STK39: variants seen among roughly 807,000 people sequenced by gnomAD.
The protein encoded by STK39 is STE20/SPS1-related proline-alanine-rich protein kinase.
A neutral mutation model predicts 77.8 loss-of-function variants in STK39; 20 were observed. The observed-to-expected ratio is 0.26, with a 90% CI of 0.18 to 0.37. STK39 has a LOEUF of 0.37. Among genes scored for constraint, STK39 ranks in the 10% least tolerant of loss-of-function variants. The probability of loss-of-function intolerance (pLI) is 1.00; values close to 1 mark genes in which losing one functional copy is unlikely to be tolerated. For synonymous variants in STK39, 246 were observed against 234.1 expected, an observed-to-expected ratio of 1.05 and a Z score of -0.47; for missense variants, 479 against 656.5, an observed-to-expected ratio of 0.73 and a Z score of 2.95.
At chr2:168,161,301 T>C (rs1688566974) in intron 5 of STK39, among the ~76,000 whole-genome samples, 1 of 152,170 alleles carries the variant, frequency 6.6e-6, no homozygotes, top group Non-Finnish European at 1.5e-5. Flanking sequence ...ATTCATTGCA[T>C]CCCCAGCCTA....
intron 1 of STK39, among the ~76,000 whole-genome samples, chr2:168,216,257 G>C (rs1305242059): frequency 2.6e-5 from 4 of 152,164 alleles, no homozygotes; most frequent in Non-Finnish European, 5.9e-5. Context: ...TCAAATCAGA[G>C]GGAGACAGAT....
intron 10 of STK39, among the ~76,000 whole-genome samples, chr2:168,101,404 C>T (rs1383195318): frequency 4.6e-5 from 7 of 152,120 alleles, no homozygotes; most frequent in African/African-American, 1.7e-4. Flanking sequence ...TGGTATACTA[C>T]TTACTGCACT....
intron 2 of STK39, among the ~76,000 whole-genome samples, chr2:168,177,387 G>T (rs1688981044): frequency 6.6e-6 from 1 of 152,128 alleles, no homozygotes; most frequent in Admixed American, 6.5e-5. Flanking sequence ...AATTTTCTGT[G>T]AATGGGTACC....
intron 1 of STK39, among the ~76,000 whole-genome samples, chr2:168,207,832 A>G (rs1689780726): frequency 6.6e-6 from 1 of 152,214 alleles, no homozygotes; most frequent in African/African-American, 2.4e-5. Flanking sequence ...GATTTTTCCA[A>G]CGTCAAAGAG....
chr2:168,141,334 A>G (rs1687974804), intron 5 of STK39, among the ~76,000 whole-genome samples: 1 of 152,194 alleles, frequency 6.6e-6, no homozygotes, highest in African/African-American at 2.4e-5. Context: ...TAAACTAGTT[A>G]AGTACCCCTC....
intron 14 of STK39, among the ~76,000 whole-genome samples, chr2:168,041,530 G>A (rs1685106724): frequency 6.6e-6 from 1 of 152,014 alleles, no homozygotes; most frequent in Non-Finnish European, 1.5e-5. Context: ...TCTGCAAGTG[G>A]AGGCTCGTCT....
chr2:168,222,428 G>A (rs1368854875), intron 1 of STK39, among the ~76,000 whole-genome samples: 1 of 152,082 alleles, frequency 6.6e-6, no homozygotes, highest in Non-Finnish European at 1.5e-5. Context: ...GTAGTAAGAG[G>A]GTATTTTTAG....
rs183706829 is a variant in STK39, at chr2:167,997,435, G to T, written c.1498+15199C>A. Among the ~76,000 whole-genome samples the T allele has an allele frequency of 2.8e-4, 42 of 152,220 alleles. 1 individual carries two copies. Among genetic ancestry groups the T allele is most frequent in the East Asian group, 2.3e-3 (12 of 5,158 alleles). On this transcript the variant is annotated intron_variant, in intron 16 of 17. Coordinates refer to ENST00000355999, the MANE Select transcript of STK39 (RefSeq NM_013233.3). ...TACCCCTTACTGAGTGCCTCCTGGAGGCCAGGCATCCTGCTAACCCCTTCA... is the reference window on the plus strand; with the variant it reads ...TACCCCTTACTGAGTGCCTCCTGGATGCCAGGCATCCTGCTAACCCCTTCA...
intron 16 of STK39, among the ~76,000 whole-genome samples, chr2:168,010,630 T>C (rs536075557): frequency 3.6e-4 from 55 of 152,374 alleles, no homozygotes; most frequent in African/African-American, 1.3e-3. Context: ...CCCTCATGTA[T>C]GGAGCCACTT....
rs115551021 is a variant in STK39, at chr2:167,956,794, T to C, written c.1564-1224A>G. On this transcript the variant is annotated intron_variant, in intron 17 of 17. Coordinates refer to ENST00000355999, the MANE Select transcript of STK39 (RefSeq NM_013233.3). ...TCATCCTATAGTACATAAATCAGAATTGGACATTACATAAGAACAACAAGG... is the reference window on the plus strand; with the variant it reads ...TCATCCTATAGTACATAAATCAGAACTGGACATTACATAAGAACAACAAGG... 4.0e-3 allele frequency among the ~76,000 whole-genome samples: 560 copies of C among 141,550 alleles called. 8 individuals are homozygous for C. The highest frequency in any genetic ancestry group is 0.013 in the African/African-American group (506 of 38,134). 92.9% of individuals were successfully genotyped at this position (141,550 alleles called of 152,430 possible). A position where few individuals can be genotyped will look rare whatever the true frequency, so the allele number is the denominator to read the frequency against.
chr2:168,008,664 G>A (rs1684193409), intron 16 of STK39, among the ~76,000 whole-genome samples: 1 of 152,152 alleles, frequency 6.6e-6, no homozygotes, highest in Non-Finnish European at 1.5e-5. Context: ...AAAGCAGCAA[G>A]TAGAGAAAGA....
chr2:168,095,372 T>C (rs973302017), intron 10 of STK39, among the ~76,000 whole-genome samples: 2 of 152,170 alleles, frequency 1.3e-5, no homozygotes, highest in Admixed American at 6.5e-5. Context: ...ACCTAGGTCA[T>C]GTGTTAAAAA....
chr2:168,097,131 C>A (rs1686691425), intron 10 of STK39, among the ~76,000 whole-genome samples: 1 of 152,160 alleles, frequency 6.6e-6, no homozygotes, highest in Non-Finnish European at 1.5e-5. Context: ...GGCAATACAC[C>A]ACACTTGGAG....
intron 10 of STK39, among the ~76,000 whole-genome samples, chr2:168,098,921 G>A (rs973041266): frequency 5.9e-5 from 9 of 152,324 alleles, no homozygotes; most frequent in African/African-American, 1.4e-4. Flanking sequence ...CCAAGGCTCC[G>A]TCATACCAGG....
chr2:168,016,413 A>AAAAAAAAAAAC (rs869200217), intron 15 of STK39, among the ~76,000 whole-genome samples: 1 of 144,854 alleles, frequency 6.9e-6, no homozygotes, highest in African/African-American at 2.6e-5. Context: ...AAAAAAAAAA[A>AAAAAAAAAAAC]CAACACTACT....
rs534995117 is a variant in STK39, at chr2:168,007,694, T to C, written c.1498+4940A>G. Among the ~76,000 whole-genome samples the C allele has an allele frequency of 9.2e-5, 14 of 151,984 alleles. No homozygotes were observed. In the South Asian group the frequency reaches 2.3e-3, roughly 25 times the overall value. On this transcript the variant is annotated intron_variant, in intron 16 of 17. Coordinates refer to ENST00000355999, the MANE Select transcript of STK39 (RefSeq NM_013233.3). ...CATATATGGCCCTAAAGAAGGAGTG[T>C]CCTGGAAGAAGAGCAAGTTCAACAG...
chr2:168,212,173 T>C (rs1689907295), intron 1 of STK39, among the ~76,000 whole-genome samples: 1 of 152,222 alleles, frequency 6.6e-6, no homozygotes, highest in Non-Finnish European at 1.5e-5. Flanking sequence ...ACCTTCCTTT[T>C]ACAGAAACAA....
chr2:168,162,857 T>C (rs1035434527), intron 4 of STK39, among the ~76,000 whole-genome samples: 2 of 151,670 alleles, frequency 1.3e-5, no homozygotes, highest in African/African-American at 4.8e-5. Context: ...GTGAACCCCA[T>C]CTCTACTAAA....
intron 16 of STK39, among the ~76,000 whole-genome samples, chr2:167,983,687 T>C (rs965214530): frequency 1.3e-5 from 2 of 152,270 alleles, no homozygotes; most frequent in African/African-American, 2.4e-5. Context: ...CCTTCTGCAA[T>C]GTGTCTCTCT....
Sources: gnomAD v4.1 joint callset for allele counts (sites outside exome capture counted in the v4.1 genomes callset) on GRCh38, gnomAD v4.1.1 for gene constraint, MANE v1.5 for transcripts, NCBI Gene and HGNC (gene_info 2026-07-23, HGNC 2026-07-21) for gene names.